The following PPFIBP2 variants were observed in gnomAD, a reference collection of about 807,000 sequenced individuals.
The protein encoded by PPFIBP2 is PPFIB scaffold protein 2.
Under a neutral mutation model 118.3 loss-of-function variants are expected in PPFIBP2, and 118 were observed. That is an observed-to-expected ratio of 1.00 (90% CI 0.86 to 1.16). PPFIBP2 has a LOEUF of 1.16. PPFIBP2 is among the 50% of genes most tolerant of loss of function. The pLI is 0.00. For synonymous variants in PPFIBP2, 414 were observed against 397.4 expected (o/e 1.04, Z -0.50); for missense variants, 1,195 against 1,073.1 (o/e 1.11, Z -1.59).
intron 4 of PPFIBP2, chr11:7,597,283 C>T (rs1860510788): frequency 2.6e-6 from 4 of 1,535,590 alleles, no homozygotes; most frequent in Non-Finnish European, 2.6e-6. Flanking sequence ...GAGGCAGCTC[C>T]TGTGGCTGTT....
chr11:7,552,939 A>G (rs1484020167), intron 2 of PPFIBP2, among the ~76,000 whole-genome samples: 1 of 152,048 alleles, frequency 6.6e-6, no homozygotes, highest in Admixed American at 6.5e-5. Context: ...CTCTTTGTTT[A>G]TTGTCTGCCT....
intron 2 of PPFIBP2, among the ~76,000 whole-genome samples, chr11:7,563,398 A>T (rs1488069526): frequency 6.6e-6 from 1 of 152,196 alleles, no homozygotes; most frequent in Non-Finnish European, 1.5e-5. Context: ...CACACATCAC[A>T]GTGGTGGGTA....
intron 1 of PPFIBP2, among the ~76,000 whole-genome samples, chr11:7,549,154 C>T (rs756869018): frequency 6.6e-6 from 1 of 152,204 alleles, no homozygotes; most frequent in Non-Finnish European, 1.5e-5. Flanking sequence ...CCAATTGTTA[C>T]ACCTGGTGAG....
At chr11:7,615,610 G>A (rs1418491664) in intron 6 of PPFIBP2, among the ~76,000 whole-genome samples, 2 of 152,186 alleles carry the variant, frequency 1.3e-5, no homozygotes, top group African/African-American at 2.4e-5. Context: ...GAATTCTGAA[G>A]CATTTGAATG....
chr11:7,623,344 A>G (rs76342875), intron 7 of PPFIBP2, among the ~76,000 whole-genome samples: 2,321 of 152,262 alleles, frequency 0.015, 51 homozygotes, highest in African/African-American at 0.051. Context: ...CTGCATAGCT[A>G]TCTCAGACCT....
intron 3 of PPFIBP2, among the ~76,000 whole-genome samples, chr11:7,591,916 A>G (rs968010349): frequency 9.2e-5 from 14 of 152,184 alleles, no homozygotes; most frequent in African/African-American, 2.7e-4. Context: ...GAGGGGAGGA[A>G]GGAGGTGCCT....
chr11:7,654,075 G>C (rs986970083), downstream of PPFIBP2, among the ~76,000 whole-genome samples: 4 of 152,280 alleles, frequency 2.6e-5, no homozygotes, highest in Non-Finnish European at 4.4e-5. Flanking sequence ...AGTGGCATGA[G>C]CCCCCCCAGT....
intron 5 of PPFIBP2, among the ~76,000 whole-genome samples, chr11:7,606,953 C>T (rs1239461394): frequency 2.7e-5 from 3 of 111,878 alleles, no homozygotes; most frequent in African/African-American, 1.1e-4. Flanking sequence ...CTGTGTCGCC[C>T]AGGCTGGAGT....
chr11:7,530,447 G>A (rs1235356733), intron 1 of PPFIBP2, among the ~76,000 whole-genome samples: 1 of 152,158 alleles, frequency 6.6e-6, no homozygotes. Context: ...GTGGGGCCTT[G>A]GGAGGTGATT....
At chr11:7,531,280 C>G (rs1484974520) in intron 1 of PPFIBP2, among the ~76,000 whole-genome samples, 5 of 152,170 alleles carry the variant, frequency 3.3e-5, no homozygotes. Context: ...AGGGACCAAC[C>G]CTTCCCCTGC....
chr11:7,560,413 A>C (rs1400670282), intron 2 of PPFIBP2, among the ~76,000 whole-genome samples: 1 of 152,222 alleles, frequency 6.6e-6, no homozygotes, highest in Non-Finnish European at 1.5e-5. Flanking sequence ...CTGTATATAT[A>C]TATACCATAT....
At chr11:7,656,641 A>G (rs1854716517), downstream of PPFIBP2, 1 of 977,012 alleles carries the variant, frequency 1.0e-6, no homozygotes, top group Non-Finnish European at 1.4e-6. Flanking sequence ...GCCCTCACCC[A>G]GTGCCCTCTA....
chr11:7,582,661 AT>A (rs1857450231), intron 3 of PPFIBP2, among the ~76,000 whole-genome samples: 1 of 150,946 alleles, frequency 6.6e-6, no homozygotes, highest in African/African-American at 2.4e-5. Context: ...ACACTTTTCC[AT>A]TAGTCTTCAA....
chr11:7,610,473 A>G, intron 6 of PPFIBP2, 51 bp downstream of exon 6: 1 of 1,594,148 alleles, frequency 6.3e-7, no homozygotes, highest in Non-Finnish European at 8.5e-7. Context: ...AGGCTGTCAT[A>G]ATGTGAATTT....
At chr11:7,597,133 A>C in intron 4 of PPFIBP2, 1 of 1,422,562 alleles carries the variant, frequency 7.0e-7, no homozygotes, top group Non-Finnish European at 9.2e-7. Flanking sequence ...CTTATGAGAG[A>C]GGTAAGGTCA....
At chr11:7,606,073 C>T (rs753412077) in intron 5 of PPFIBP2, 15 of 1,500,684 alleles carry the variant, frequency 1.0e-5, no homozygotes, top group South Asian at 7.6e-5. Flanking sequence ...TTGGTTCCTT[C>T]GGTTTGGGGA....
In PPFIBP2 at chr11:7,610,340, C is replaced by T. The variant is rs749535933; in HGVS notation, c.536C>T (p.Thr179Ile). The T allele has an allele frequency of 1.9e-6, 3 of 1,614,160 alleles. No individual in the cohort carries two copies. Among genetic ancestry groups the T allele is most frequent in the East Asian group, 2.2e-5 (1 of 44,884 alleles). Residue 179 changes from threonine to isoleucine, a missense_variant, in exon 6 of 24, where the codon ACT (threonine) becomes ATT (isoleucine). Coordinates refer to ENST00000299492, the MANE Select transcript of PPFIBP2 (RefSeq NM_003621.5). ...GAGACCCAGAAGCTCGATCTGATGA[C>T]TGAAGTGTCTGAGCTGAAGCTCAAG... ...SLETQKLDLM[T>I]EVSELKLKLV...
rs376150144 is a variant in PPFIBP2 at position 7,625,810 on chromosome 11, C to G, written c.745C>G (p.Leu249Val). The G allele has an allele frequency of 3.7e-6, 6 of 1,614,226 alleles. No individual in the cohort carries two copies. The highest frequency in any genetic ancestry group is 3.3e-5 in the Admixed American group (2 of 60,028). The change falls in exon 8 of 24, where the codon CTG (leucine) becomes GTG (valine). Residue 249 changes from leucine (L) to valine (V), a missense_variant. Leu to Val is a conservative substitution (Grantham distance 32, BLOSUM62 1). Transcript: ENST00000299492. ...CGCCCAGCTGCAAGAACAGGTGGCCCTGAAAGATGCAGAAATTGAGCGTCT... is the reference window on the plus strand; with the variant it reads ...CGCCCAGCTGCAAGAACAGGTGGCCGTGAAAGATGCAGAAATTGAGCGTCT... The part of the protein sequence containing the change: ...EVAQLQEQVA[L>V]KDAEIERLHS...
chr11:7,629,287 G>A (rs910730914), intron 9 of PPFIBP2, among the ~76,000 whole-genome samples, 172 bp from the exon 10 acceptor site: 1 of 152,112 alleles, frequency 6.6e-6, no homozygotes, highest in Non-Finnish European at 1.5e-5. Flanking sequence ...AGATGCCTAT[G>A]AGGCAGACCA....
Sources: allele counts gnomAD v4.1 joint callset (sites outside exome capture counted in the v4.1 genomes callset), GRCh38; gene constraint gnomAD v4.1.1; transcripts MANE v1.5; gene names NCBI Gene and HGNC (gene_info 2026-07-23, HGNC 2026-07-21).